Variants in ELMO1 observed in about 807,000 individuals in gnomAD.
ELMO1 encodes the protein engulfment and cell motility protein 1.
In ELMO1, 26 loss-of-function variants were observed where a neutral mutation model predicts 98.9. That is an observed-to-expected ratio of 0.26 (90% CI 0.19 to 0.36). ELMO1 has a LOEUF of 0.36. Among genes scored for constraint, ELMO1 ranks in the 10% least tolerant of loss-of-function variants. The probability of loss-of-function intolerance (pLI) is 1.00; values close to 1 mark genes in which losing one functional copy is unlikely to be tolerated. For missense variants in ELMO1, 627 were observed against 935.2 expected (o/e 0.67, Z 4.30); for synonymous variants, 346 against 346.0 (o/e 1.00, Z 0.00).
chr7:37,118,297 C>G (rs1168316933), intron 14 of ELMO1, among the ~76,000 whole-genome samples: 1 of 152,184 alleles, frequency 6.6e-6, no homozygotes, highest in Non-Finnish European at 1.5e-5. Context: ...ACTCCTGGTA[C>G]AGAGGGCTGA....
chr7:37,398,641 G>A (rs1583686768), intron 1 of ELMO1, among the ~76,000 whole-genome samples: 1 of 148,902 alleles, frequency 6.7e-6, no homozygotes, highest in African/African-American at 2.5e-5. Flanking sequence ...AATGCGGGAT[G>A]GGAGGACACC....
chr7:37,082,830 G>A (rs958537798), intron 15 of ELMO1, among the ~76,000 whole-genome samples: 4 of 152,180 alleles, frequency 2.6e-5, no homozygotes, highest in African/African-American at 7.2e-5. Context: ...CCTTTGGTCC[G>A]TGCTTTGAGG....
intron 13 of ELMO1, among the ~76,000 whole-genome samples, chr7:37,133,970 A>G (rs1787097343): frequency 6.6e-6 from 1 of 152,202 alleles, no homozygotes; most frequent in Admixed American, 6.5e-5. Flanking sequence ...ATGAATAGAC[A>G]TTTTTCAAAA....
At chr7:37,337,540 A>AAC (rs1554297746) in intron 2 of ELMO1, among the ~76,000 whole-genome samples, 5 of 141,480 alleles carry the variant, frequency 3.5e-5, no homozygotes, top group Non-Finnish European at 4.6e-5. Flanking sequence ...AAAAAAAAAA[A>AAC]AACACCTATG....
chr7:37,318,226 C>A (rs1455794752), intron 2 of ELMO1, among the ~76,000 whole-genome samples: 1 of 152,124 alleles, frequency 6.6e-6, no homozygotes, highest in Non-Finnish European at 1.5e-5. Flanking sequence ...ACTTCAGAAA[C>A]AAAACTTATT....
chr7:37,247,218 G>C (rs1023670091), intron 6 of ELMO1, among the ~76,000 whole-genome samples: 1 of 152,138 alleles, frequency 6.6e-6, no homozygotes, highest in Non-Finnish European at 1.5e-5. Flanking sequence ...GAGGAACAAA[G>C]GAAAGGTTGG....
intron 1 of ELMO1, among the ~76,000 whole-genome samples, chr7:37,372,385 T>C (rs915235979): frequency 3.9e-5 from 6 of 152,096 alleles, no homozygotes; most frequent in South Asian, 2.1e-4. Context: ...ATTTGTAAAA[T>C]GGGAATAATA....
intron 14 of ELMO1, among the ~76,000 whole-genome samples, chr7:37,109,893 T>C (rs1785153734): frequency 6.6e-6 from 1 of 152,242 alleles, no homozygotes; most frequent in South Asian, 2.1e-4. Flanking sequence ...GACATTTCTC[T>C]TAATTCCTCA....
At chr7:37,240,044 C>CTTTTTTTTTTTCTT (rs1794678636) in intron 7 of ELMO1, among the ~76,000 whole-genome samples, 1 of 133,022 alleles carries the variant, frequency 7.5e-6, no homozygotes, top group Admixed American at 7.7e-5. Context: ...TTTTTTTTTT[C>CTTTTTTTTTTTCTT]TTTTTTTTTT....
At chr7:37,275,236 G>C (rs1379704453) in intron 4 of ELMO1, among the ~76,000 whole-genome samples, 1 of 152,172 alleles carries the variant, frequency 6.6e-6, no homozygotes, top group African/African-American at 2.4e-5. Context: ...AATGCTCCTC[G>C]GAGTCCCAGG....
At chr7:36,997,285 G>T (rs1418995870) in intron 16 of ELMO1, among the ~76,000 whole-genome samples, 1 of 152,128 alleles carries the variant, frequency 6.6e-6, no homozygotes, top group African/African-American at 2.4e-5. Flanking sequence ...AAATGATTTT[G>T]TTTTTTTCTG....
chr7:37,214,004 G>C (rs139510745), intron 11 of ELMO1, among the ~76,000 whole-genome samples: 1 of 152,180 alleles, frequency 6.6e-6, no homozygotes. Flanking sequence ...AAAGCAGAGA[G>C]CAAATGCTCG....
intron 1 of ELMO1, among the ~76,000 whole-genome samples, chr7:37,366,208 C>T (rs1312771024): frequency 3.3e-5 from 5 of 152,000 alleles, no homozygotes; most frequent in African/African-American, 1.2e-4. Flanking sequence ...GAAACTATCG[C>T]CATATCCTTT....
intron 5 of ELMO1, among the ~76,000 whole-genome samples, chr7:37,267,031 G>A (rs372802315): frequency 0.014 from 383 of 26,486 alleles, 29 homozygotes; most frequent in African/African-American, 0.075. Flanking sequence ...AAAAAAATAT[G>A]TATATATACA....
intron 14 of ELMO1, among the ~76,000 whole-genome samples, chr7:37,124,945 T>C (rs1429939809): frequency 6.6e-6 from 1 of 152,046 alleles, no homozygotes; most frequent in Non-Finnish European, 1.5e-5. Flanking sequence ...GAGATATAGA[T>C]CAATGGAACA....
chr7:37,146,004 A>T (rs546956778), intron 13 of ELMO1, among the ~76,000 whole-genome samples: 1 of 152,266 alleles, frequency 6.6e-6, no homozygotes, highest in East Asian at 1.9e-4. Context: ...TCCTGAGAAC[A>T]GCAGTTCTCT....
chr7:36,900,678 T>G (rs1165834815), intron 16 of ELMO1, among the ~76,000 whole-genome samples: 1 of 152,144 alleles, frequency 6.6e-6, no homozygotes, highest in African/African-American at 2.4e-5. Flanking sequence ...CTGCCACTAA[T>G]GGGTGGTCAA....
intron 4 of ELMO1, among the ~76,000 whole-genome samples, chr7:37,284,785 A>G (rs1797309467): frequency 6.6e-6 from 1 of 151,794 alleles, no homozygotes; most frequent in South Asian, 2.1e-4. Context: ...AGAAAAAAAA[A>G]AGCTAAAAGC....
intron 15 of ELMO1, among the ~76,000 whole-genome samples, chr7:37,074,151 ATATT>A (rs1331681413): frequency 1.3e-5 from 2 of 148,158 alleles, no homozygotes; most frequent in Non-Finnish European, 3.0e-5. Flanking sequence ...ATAATACTAT[ATATT>A]TATGTATATA....
Sources: allele counts gnomAD v4.1 joint callset (sites outside exome capture counted in the v4.1 genomes callset), GRCh38; gene constraint gnomAD v4.1.1; transcripts MANE v1.5; gene names NCBI Gene and HGNC (gene_info 2026-07-23, HGNC 2026-07-21).